KLRC2: variants seen among roughly 807,000 people sequenced by gnomAD.
KLRC2 encodes NKG2-C type II integral membrane protein.
In KLRC2, 10 loss-of-function variants were observed where a neutral mutation model predicts 25.5. The observed-to-expected ratio is 0.39, with a 90% CI of 0.24 to 0.67. The LOEUF is 0.67. Among genes scored for constraint, KLRC2 ranks in the 30% least tolerant of loss-of-function variants. The pLI is 0.45. For missense variants in KLRC2, 170 were observed against 272.8 expected, an observed-to-expected ratio of 0.62 and a Z score of 2.65; for synonymous variants, 48 against 93.3, an observed-to-expected ratio of 0.51 and a Z score of 2.80.
At position 10,434,167 on chromosome 12, in the gene KLRC2, C is replaced by G. The variant is rs1198686598; in HGVS notation, c.332-225G>C. 2.7e-6 allele frequency: 2 copies of G among 738,374 alleles called. 1 individual carries two copies. The highest frequency in any genetic ancestry group is 6.7e-5 in the East Asian group (2 of 29,636). 45.7% of individuals were successfully genotyped at this position (738,374 alleles called of 1,614,324 possible). On this transcript the variant is annotated intron_variant, in intron 3 of 5. Transcript: ENST00000381902. The stretch of plus-strand genomic sequence containing the variant: ...TTCCCATATAAAGCAAATGAACAAA[C>G]AAAAATACACTCTACACATGTGTTG...
At position 10,435,413 on chromosome 12, in the gene KLRC2, G is replaced by T. The variant is rs368882379; in HGVS notation, c.188-3C>A. On this transcript the variant is annotated splice_region_variant and splice_polypyrimidine_tract_variant and intron_variant, in intron 1 of 5. Transcript: ENST00000381902. ...CTTCTCTGGAGGTGGCAGTAAACCT[G>T]CAGGGAGAGAAATAGAGGCACTGAG... 609 of 1,613,004 alleles carry T rather than the reference G, an allele frequency of 3.8e-4. No homozygotes were observed. The East Asian group carries it at 4.4e-3, about 12-fold the overall frequency.
intron 4 of KLRC2, among the ~76,000 whole-genome samples, chr12:10,432,414 A>G (rs1335896643): frequency 8.2e-5 from 9 of 109,800 alleles, no homozygotes; most frequent in Admixed American, 2.8e-4. Context: ...TTGCAATGTA[A>G]TAGTTACTCC....
Position 10,432,872 on chromosome 12 carries a change from C to T in KLRC2, c.484-666G>A, listed in dbSNP as rs375022850. ...GAGTGAGCATGTTAAGTCCTCCACACGACAGAAGAAGGTGACCTAGGCCTG... is the reference window on the plus strand; with the variant it reads ...GAGTGAGCATGTTAAGTCCTCCACATGACAGAAGAAGGTGACCTAGGCCTG... On this transcript the variant is annotated intron_variant, in intron 4 of 5. Coordinates refer to ENST00000381902, the MANE Select transcript of KLRC2 (RefSeq NM_002260.4). Among the ~76,000 whole-genome samples the T allele has an allele frequency of 1.2e-4, 17 of 137,322 alleles. 4 individuals carry two copies. The highest frequency in any genetic ancestry group is 3.9e-4 in the African/African-American group (14 of 35,582). The allele number at this position is 137,322 out of a possible 152,430, so 90.1% of individuals were successfully genotyped here. A position where few individuals can be genotyped will look rare whatever the true frequency, so the allele number is the denominator to read the frequency against.
intron 3 of KLRC2, chr12:10,434,186 T>C: frequency 5.8e-6 from 4 of 685,576 alleles, no homozygotes; most frequent in Non-Finnish European, 9.9e-6. Context: ...ACTCTACACA[T>C]GTGTTGAACA....
At position 10,435,876 on chromosome 12, in the gene KLRC2, T is replaced by A. The variant is rs369621419; in HGVS notation, c.111A>T (p.Glu37Asp). The A allele has an allele frequency of 7.5e-6, 12 of 1,594,732 alleles. No individual in the cohort carries two copies. The highest frequency in any genetic ancestry group is 9.4e-6 in the Non-Finnish European group (11 of 1,170,180). The change falls in exon 1 of 6, where the codon GAA becomes GAT. Residue 37 changes from glutamate (E) to aspartate (D), a missense_variant. Transcript: ENST00000381902. Reference protein sequence around the residue: ...NKSSISGTEQEIFQVELNLQN... With the variant: ...NKSSISGTEQDIFQVELNLQN... Reference sequence around the variant, plus strand: ...GAAGATTTAATTCTACTTGGAATATTTCCTGTTCGGTTCCTGAAATGGAGC... The same window carrying A: ...GAAGATTTAATTCTACTTGGAATATATCCTGTTCGGTTCCTGAAATGGAGC...
chr12:10,430,925 A>T lies in KLRC2; in HGVS notation c.*192T>A. ...GAAAACCACAAATACCATGTTGAGC[A>T]AAATGAGCCCGACACAAATGCTAGG... On this transcript the variant is annotated 3_prime_UTR_variant, in exon 6 of 6. Coordinates refer to ENST00000381902, the MANE Select transcript of KLRC2 (RefSeq NM_002260.4). The T allele has an allele frequency of 1.0e-5, 12 of 1,155,590 alleles. No homozygotes were observed. The highest frequency in any genetic ancestry group is 1.2e-5 in the Non-Finnish European group (11 of 890,364). The allele number at this position is 1,155,590 out of a possible 1,614,324, so 71.6% of individuals were successfully genotyped here.
Position 10,434,026 on chromosome 12 carries a change from T to C in KLRC2, c.332-84A>G, listed in dbSNP as rs1317315316. 9.5e-6 allele frequency: 14 copies of C among 1,474,710 alleles called. 3 individuals are homozygous for C. The African/African-American group carries it at 1.7e-4, about 18-fold the overall frequency. 91.4% of individuals were successfully genotyped at this position (1,474,710 alleles called of 1,614,324 possible). A position where few individuals can be genotyped will look rare whatever the true frequency, so the allele number is the denominator to read the frequency against. Reference sequence around the variant, plus strand: ...TTCACATATTTCAACAGTATAAACATATATGTGCTTAACATATTTACGCAT... The same window carrying C: ...TTCACATATTTCAACAGTATAAACACATATGTGCTTAACATATTTACGCAT... On this transcript the variant is annotated intron_variant, in intron 3 of 5. Coordinates refer to ENST00000381902, the MANE Select transcript of KLRC2 (RefSeq NM_002260.4).
chr12:10,431,777 AT>A (rs142647914), intron 5 of KLRC2, among the ~76,000 whole-genome samples: 81,757 of 120,860 alleles, frequency 0.68, 32,591 homozygotes, highest in Non-Finnish European at 0.83. Flanking sequence ...ACATTCTGTG[AT>A]TTTTTTTTTT....
rs2137874046 is a variant in KLRC2, at chr12:10,433,671, A to G, written c.483+120T>C. 2 of 1,076,676 alleles carry G rather than the reference A, an allele frequency of 1.9e-6. 1 individual carries two copies. Among genetic ancestry groups the G allele is most frequent in the South Asian group, 3.1e-5 (2 of 63,556 alleles). 66.7% of individuals were successfully genotyped at this position (1,076,676 alleles called of 1,614,324 possible). A position where few individuals can be genotyped will look rare whatever the true frequency, so the allele number is the denominator to read the frequency against. ...ACATTATTAAGTCAATCAATTGAAT[A>G]TTACATACACTTGAAAATATATGAG... On this transcript the variant is annotated intron_variant, in intron 4 of 5. Transcript: ENST00000381902.
At chr12:10,434,834 T>C (rs1863853365) in intron 2 of KLRC2, among the ~76,000 whole-genome samples, 1 of 151,700 alleles carries the variant, frequency 6.6e-6, no homozygotes, top group South Asian at 2.1e-4. Flanking sequence ...GAAAATATCT[T>C]TGTGTGTGTA....
rs1360841761 is a variant in KLRC2 at position 10,433,257 on chromosome 12, T to C, written c.483+534A>G. On this transcript the variant is annotated intron_variant, in intron 4 of 5. Coordinates refer to ENST00000381902, the MANE Select transcript of KLRC2 (RefSeq NM_002260.4). The stretch of plus-strand genomic sequence containing the variant: ...AACATACTACTGATAACTGCAATAA[T>C]ATGGAGGAATTGCACAAATATCAGA... Among the ~76,000 whole-genome samples, 3 of 141,982 alleles carry C rather than the reference T, an allele frequency of 2.1e-5. 1 individual carries two copies. The highest frequency in any genetic ancestry group is 8.1e-5 in the African/African-American group (3 of 37,178). 93.1% of individuals were successfully genotyped at this position (141,982 alleles called of 152,430 possible). A position where few individuals can be genotyped will look rare whatever the true frequency, so the allele number is the denominator to read the frequency against.
chr12:10,433,704 T>C lies in KLRC2; in HGVS notation c.483+87A>G. 4 of 1,305,536 alleles carry C rather than the reference T, an allele frequency of 3.1e-6. 1 individual carries two copies. Among genetic ancestry groups the C allele is most frequent in the Non-Finnish European group, 4.3e-6 (4 of 935,370 alleles). The allele number at this position is 1,305,536 out of a possible 1,614,324, so 80.9% of individuals were successfully genotyped here. On this transcript the variant is annotated intron_variant, in intron 4 of 5. Transcript: ENST00000381902. ...CACTTGAAAATATATGAGATAAATA[T>C]ATGTACACACATATGGATGTTTTCT...
At chr12:10,433,038 T>C (rs555009207) in intron 4 of KLRC2, among the ~76,000 whole-genome samples, 1 of 141,062 alleles carries the variant, frequency 7.1e-6, no homozygotes, top group African/African-American at 2.7e-5. Flanking sequence ...AGAAAGTGCT[T>C]CCTTCTCATA....
chr12:10,434,486 C>G lies in KLRC2; in HGVS notation c.331G>C (p.Ala111Pro). 6.4e-7 allele frequency: 1 copy of G among 1,572,322 alleles called. No individual in the cohort carries two copies. The highest frequency in any genetic ancestry group is 8.7e-7 in the Non-Finnish European group (1 of 1,146,208). Residue 111 changes from alanine to proline, a missense_variant and splice_region_variant, in exon 3 of 6, where the codon GCA becomes CCA. By Grantham distance (27) the Ala-to-Pro change is conservative. Around this residue, in one of 3 missense-constraint regions of KLRC2, gnomAD observed 129 missense variants for 150.2 expected, o/e 0.86. Coordinates refer to ENST00000381902, the MANE Select transcript of KLRC2 (RefSeq NM_002260.4). Reference protein sequence around the residue: ...NFSPNTRTQKARHCGHCPEEW... With the variant: ...NFSPNTRTQKPRHCGHCPEEW... ...CAGAACATTGAAAATAAAAATGTAC[C>G]TTTCTGCGTTCTTGTATTCGGGGAA...
chr12:10,433,275 A>G (rs1591606512), intron 4 of KLRC2, among the ~76,000 whole-genome samples: 1 of 142,172 alleles, frequency 7.0e-6, no homozygotes, highest in Non-Finnish European at 1.5e-5. Context: ...AATTGCACAA[A>G]TATCAGATAG....
At chr12:10,431,629 C>T (rs1055274245) in intron 5 of KLRC2, among the ~76,000 whole-genome samples, 3 of 142,158 alleles carry the variant, frequency 2.1e-5, no homozygotes, top group Non-Finnish European at 4.6e-5. Context: ...AAAAAGTAAG[C>T]GTGGCTTTTT....
chr12:10,431,956 A>G (rs1259275755), intron 5 of KLRC2, 150 bp downstream of exon 5: 1 of 725,634 alleles, frequency 1.4e-6, no homozygotes, highest in African/African-American at 2.0e-5. Flanking sequence ...ATGGACTACT[A>G]TGGTCTATTG....
rs1698951114 is a variant in KLRC2, at chr12:10,433,727, T to C, written c.483+64A>G. 3 of 1,448,692 alleles carry C rather than the reference T, an allele frequency of 2.1e-6. No homozygotes were observed. In the African/African-American group the frequency reaches 4.6e-5, roughly 22 times the overall value. The allele number at this position is 1,448,692 out of a possible 1,614,324, so 89.7% of individuals were successfully genotyped here. A position where few individuals can be genotyped will look rare whatever the true frequency, so the allele number is the denominator to read the frequency against. On this transcript the variant is annotated intron_variant, in intron 4 of 5. Transcript: ENST00000381902. The stretch of plus-strand genomic sequence containing the variant: ...TATATGTACACACATATGGATGTTT[T>C]CTACAAATGTATTATTCACTGAAGG...
Position 10,431,394 on chromosome 12 carries a change from T to C in KLRC2, c.585-166A>G, listed in dbSNP as rs113983344. 1.6e-4 allele frequency: 128 copies of C among 819,468 alleles called. 21 individuals carry two copies. In the Middle Eastern group the frequency reaches 2.3e-3, roughly 15 times the overall value. The allele number at this position is 819,468 out of a possible 1,614,324, so 50.8% of individuals were successfully genotyped here. A position where few individuals can be genotyped will look rare whatever the true frequency, so the allele number is the denominator to read the frequency against. On this transcript the variant is annotated intron_variant, in intron 5 of 5. Coordinates refer to ENST00000381902, the MANE Select transcript of KLRC2 (RefSeq NM_002260.4). Reference sequence around the variant, plus strand: ...TCTGAACACTCAACAGAGTAGTCCCTCTTCATCCACGAGGGATATGTTTCA... The same window carrying C: ...TCTGAACACTCAACAGAGTAGTCCCCCTTCATCCACGAGGGATATGTTTCA...
Sources: allele counts gnomAD v4.1 joint callset (sites outside exome capture counted in the v4.1 genomes callset), GRCh38; gene constraint gnomAD v4.1.1; regional missense constraint gnomAD v4.1.1; transcripts MANE v1.5; gene names NCBI Gene and HGNC (gene_info 2026-07-23, HGNC 2026-07-21).